Variants in PTPRR observed in about 807,000 individuals in gnomAD.
The protein encoded by PTPRR is receptor-type tyrosine-protein phosphatase R.
PTPRR carries 38 observed loss-of-function variants against 77.2 expected under a neutral mutation model. The ratio of observed to expected loss-of-function variants is 0.49; its 90% CI spans 0.38 to 0.65. The LOEUF (loss-of-function observed/expected upper bound fraction) is 0.65, where lower values mean the gene tolerates loss of function less well. Among genes scored for constraint, PTPRR ranks in the 30% least tolerant of loss-of-function variants. The probability of loss-of-function intolerance (pLI) is 0.00; values close to 1 mark genes in which losing one functional copy is unlikely to be tolerated. For synonymous variants in PTPRR, 299 were observed against 283.1 expected, an observed-to-expected ratio of 1.06 and a Z score of -0.57; for missense variants, 744 against 799.2, an observed-to-expected ratio of 0.93 and a Z score of 0.83.
At chr12:70,782,897 T>G (rs1272253646) in intron 2 of PTPRR, among the ~76,000 whole-genome samples, 1 of 152,182 alleles carries the variant, frequency 6.6e-6, no homozygotes, top group East Asian at 1.9e-4. Flanking sequence ...TAGGGGTTAG[T>G]AAGGCAGACT....
At chr12:70,726,339 C>T (rs1236402995) in intron 6 of PTPRR, among the ~76,000 whole-genome samples, 3 of 152,004 alleles carry the variant, frequency 2.0e-5, no homozygotes, top group Non-Finnish European at 2.9e-5. Context: ...GGGTCTGGAG[C>T]CAGGCCACCT....
chr12:70,745,708 G>A (rs1197703045), intron 6 of PTPRR, 110 bp downstream of exon 6: 7 of 1,266,342 alleles, frequency 5.5e-6, no homozygotes, highest in South Asian at 4.4e-5. Context: ...CCATTTAGTG[G>A]TGAACAATTC....
intron 2 of PTPRR, among the ~76,000 whole-genome samples, chr12:70,831,017 C>G (rs547303656): frequency 3.3e-5 from 5 of 152,252 alleles, no homozygotes; most frequent in African/African-American, 1.2e-4. Flanking sequence ...ATTGTATTAG[C>G]TCTTTAAATC....
At chr12:70,705,084 G>A (rs539688441) in intron 6 of PTPRR, among the ~76,000 whole-genome samples, 2 of 152,128 alleles carry the variant, frequency 1.3e-5, no homozygotes, top group South Asian at 4.2e-4. Flanking sequence ...AAGGTAAAAG[G>A]AATGCAATAA....
chr12:70,683,359 T>C (rs1261651623), intron 10 of PTPRR, among the ~76,000 whole-genome samples: 1 of 152,206 alleles, frequency 6.6e-6, no homozygotes, highest in Non-Finnish European at 1.5e-5. Context: ...TGTATTTTTA[T>C]AATGCAAAAT....
At chr12:70,798,027 C>T (rs1891546532) in intron 2 of PTPRR, among the ~76,000 whole-genome samples, 1 of 152,180 alleles carries the variant, frequency 6.6e-6, no homozygotes, top group Non-Finnish European at 1.5e-5. Context: ...TATTTAACTA[C>T]TACCTGATAT....
chr12:70,701,370 G>T (rs1446938231), intron 6 of PTPRR, 47 bp from the exon 7 acceptor site: 4 of 1,555,676 alleles, frequency 2.6e-6, no homozygotes, highest in South Asian at 1.2e-5. Flanking sequence ...TACTTATTTT[G>T]ATTGCAAAAA....
intron 5 of PTPRR, among the ~76,000 whole-genome samples, chr12:70,750,679 A>G (rs937801057): frequency 1.3e-5 from 2 of 152,142 alleles, no homozygotes. Flanking sequence ...TCTTGTGAAT[A>G]TGAACTTCCC....
chr12:70,640,481 A>AT (rs1286459434), intron 13 of PTPRR, among the ~76,000 whole-genome samples: 1 of 152,102 alleles, frequency 6.6e-6, no homozygotes, highest in East Asian at 1.9e-4. Context: ...TATAATTATG[A>AT]TTTTTTAGCT....
At position 70,754,680 on chromosome 12, in the gene PTPRR, C is replaced by A. The variant is rs1890515304; in HGVS notation, c.628-379G>T. ...TTTAAGTCCCCTCCCACAACATCAGCACCCTGGATTACGTGCTGTACTACC... is the reference window on the plus strand; with the variant it reads ...TTTAAGTCCCCTCCCACAACATCAGAACCCTGGATTACGTGCTGTACTACC... On this transcript the variant is annotated intron_variant, in intron 4 of 13. Coordinates refer to ENST00000283228, the MANE Select transcript of PTPRR (RefSeq NM_002849.4). The A allele has an allele frequency of 3.1e-6, 5 of 1,597,088 alleles. No homozygotes were observed. In the South Asian group the frequency reaches 3.3e-5, roughly 11 times the overall value.
At chr12:70,767,314 A>G (rs928649644) in intron 2 of PTPRR, among the ~76,000 whole-genome samples, 4 of 151,450 alleles carry the variant, frequency 2.6e-5, no homozygotes, top group Non-Finnish European at 4.4e-5. Flanking sequence ...AAAGGGATGG[A>G]GGAAGATCTA....
chr12:70,791,673 T>G (rs569767707), intron 2 of PTPRR, among the ~76,000 whole-genome samples: 1 of 152,222 alleles, frequency 6.6e-6, no homozygotes, highest in African/African-American at 2.4e-5. Flanking sequence ...AAAGCAGGTC[T>G]ATAATATTAG....
intron 10 of PTPRR, among the ~76,000 whole-genome samples, chr12:70,662,814 T>C (rs1886844716): frequency 6.6e-6 from 1 of 152,160 alleles, no homozygotes; most frequent in South Asian, 2.1e-4. Flanking sequence ...TCAACAGTTT[T>C]TTTTAAAGTA....
At chr12:70,812,137 T>C (rs1421726261) in intron 2 of PTPRR, among the ~76,000 whole-genome samples, 1 of 152,204 alleles carries the variant, frequency 6.6e-6, no homozygotes, top group Non-Finnish European at 1.5e-5. Flanking sequence ...TGATCACTTT[T>C]TTTAGATTAG....
intron 2 of PTPRR, among the ~76,000 whole-genome samples, chr12:70,786,438 A>G (rs2137004514): frequency 6.6e-6 from 1 of 152,342 alleles, no homozygotes; most frequent in Admixed American, 6.5e-5. Context: ...AGAAATTAAA[A>G]GTCCTTACAG....
At chr12:70,728,487 T>TATAC (rs1565669276) in intron 6 of PTPRR, among the ~76,000 whole-genome samples, 12 of 8,320 alleles carry the variant, frequency 1.4e-3, no homozygotes, top group East Asian at 0.015. Context: ...TATATATATA[T>TATAC]ATATATGTAT....
intron 2 of PTPRR, among the ~76,000 whole-genome samples, chr12:70,799,084 C>T (rs566990939): frequency 6.6e-6 from 1 of 152,220 alleles, no homozygotes; most frequent in South Asian, 2.1e-4. Flanking sequence ...GCACCAAACC[C>T]CTCAATCAGA....
intron 1 of PTPRR, among the ~76,000 whole-genome samples, chr12:70,900,919 T>G (rs1893522971): frequency 6.6e-6 from 1 of 151,530 alleles, no homozygotes; most frequent in South Asian, 2.1e-4. Flanking sequence ...CACATTGTTG[T>G]GGGAATGTAA....
chr12:70,658,219 T>C (rs1001649171), intron 12 of PTPRR, among the ~76,000 whole-genome samples: 1 of 152,216 alleles, frequency 6.6e-6, no homozygotes, highest in African/African-American at 2.4e-5. Context: ...GTTTTCTTGG[T>C]CAGAAATGCC....
Sources: allele counts gnomAD v4.1 joint callset (sites outside exome capture counted in the v4.1 genomes callset), GRCh38; gene constraint gnomAD v4.1.1; transcripts MANE v1.5; gene names NCBI Gene and HGNC (gene_info 2026-07-23, HGNC 2026-07-21).